AKAP6: variants seen among roughly 807,000 people sequenced by gnomAD.
The protein encoded by AKAP6 is A-kinase anchor protein 6.
AKAP6 carries 58 observed loss-of-function variants against 188.5 expected under a neutral mutation model. The ratio of observed to expected loss-of-function variants is 0.31; its 90% CI spans 0.25 to 0.38. The LOEUF is 0.38. Ranked by LOEUF, AKAP6 falls within the 10% of genes least tolerant of loss-of-function variation. The pLI, the probability that AKAP6 is intolerant of heterozygous loss-of-function variation, is 1.00. For synonymous variants in AKAP6, 989 were observed against 998.6 expected, an observed-to-expected ratio of 0.99 and a Z score of 0.18; for missense variants, 2,710 against 2,740.0, an observed-to-expected ratio of 0.99 and a Z score of 0.24.
intron 3 of AKAP6, among the ~76,000 whole-genome samples, chr14:32,541,679 GA>G (rs1882961793): frequency 6.6e-6 from 1 of 152,118 alleles, no homozygotes; most frequent in Non-Finnish European, 1.5e-5. Flanking sequence ...GGTTTTATGA[GA>G]TAGTTTTGGA....
intron 2 of AKAP6, among the ~76,000 whole-genome samples, chr14:32,485,185 G>T (rs1879612842): frequency 7.3e-6 from 1 of 136,084 alleles, no homozygotes. Context: ...ATGTATATGT[G>T]CCACATATTC....
At chr14:32,686,431 A>G (rs1470588843) in intron 8 of AKAP6, among the ~76,000 whole-genome samples, 2 of 152,168 alleles carry the variant, frequency 1.3e-5, no homozygotes, top group African/African-American at 2.4e-5. Flanking sequence ...ATTTTAAAAT[A>G]AAGAAAAGAG....
rs59506546 is a variant in AKAP6 at position 32,780,157 on chromosome 14, C to CATAT, written c.3588+6275_3588+6278dup. 3.0e-4 allele frequency among the ~76,000 whole-genome samples: 36 copies of CATAT among 119,394 alleles called. 1 individual carries two copies. The highest frequency in any genetic ancestry group is 1.1e-3 in the South Asian group (4 of 3,802). 78.3% of individuals were successfully genotyped at this position (119,394 alleles called of 152,430 possible). ...TGGAAAAAGAAATTGAAAAAAAAAA[C>CATAT]ATATATATATATATGCATGCTTATA... On this transcript the variant is annotated intron_variant, in intron 12 of 13. Transcript: ENST00000280979.
chr14:32,381,528 A>G (rs986985504), intron 1 of AKAP6, among the ~76,000 whole-genome samples: 4 of 152,186 alleles, frequency 2.6e-5, no homozygotes, highest in African/African-American at 9.7e-5. Flanking sequence ...CATATAAAGT[A>G]AAAGTATACT....
chr14:32,414,488 G>A (rs1355530941), intron 1 of AKAP6, among the ~76,000 whole-genome samples: 1 of 152,112 alleles, frequency 6.6e-6, no homozygotes, highest in African/African-American at 2.4e-5. Context: ...TTCAGGAAAT[G>A]ATGCTCTGAA....
chr14:32,614,321 G>A (rs1886467798), intron 7 of AKAP6, among the ~76,000 whole-genome samples: 1 of 152,076 alleles, frequency 6.6e-6, no homozygotes, highest in South Asian at 2.1e-4. Flanking sequence ...ATGCTCCATT[G>A]GCTAATACAC....
intron 5 of AKAP6, 145 bp from the exon 6 acceptor site, chr14:32,599,265 C>A (rs896764849): frequency 1.7e-6 from 1 of 600,756 alleles, no homozygotes; most frequent in South Asian, 2.7e-5. Context: ...TCCCAAATAT[C>A]AATAGCTTTT....
At chr14:32,796,886 T>C (rs2033784435) in intron 12 of AKAP6, among the ~76,000 whole-genome samples, 1 of 152,220 alleles carries the variant, frequency 6.6e-6, no homozygotes, top group African/African-American at 2.4e-5. Context: ...AGAAAGTTTT[T>C]GCAATCTATC....
chr14:32,444,643 G>A (rs1890700931), intron 2 of AKAP6, among the ~76,000 whole-genome samples: 2 of 152,198 alleles, frequency 1.3e-5, no homozygotes, highest in African/African-American at 2.4e-5. Flanking sequence ...GTGATCTGCT[G>A]TTCTCTCAAG....
At position 32,433,592 on chromosome 14, in the gene AKAP6, T is replaced by C. The variant is rs555608947; in HGVS notation, c.99T>C (p.Thr33=). ...CCATGGCCATCAACATGACACCCAC[T>C]GTGGAGCAGGGTGAGGGAGAAGAGG... ...ASPMAINMTP[T]VEQGEGEEAM... is the part of the protein sequence containing the mutation. The change falls in exon 2 of 14, where the codon ACT becomes ACC. Residue 33 remains threonine, a synonymous_variant. Transcript: ENST00000280979. The C allele has an allele frequency of 3.7e-6, 6 of 1,614,088 alleles. No homozygotes were observed. In the African/African-American group the frequency reaches 8.0e-5, roughly 22 times the overall value.
At chr14:32,433,187 G>A (rs1890274585) in intron 1 of AKAP6, 1 of 300,604 alleles carries the variant, frequency 3.3e-6, no homozygotes, top group Non-Finnish European at 6.3e-6. Context: ...CTAAAAACCA[G>A]GATTTTGTTA....
At position 32,837,083 on chromosome 14, in the gene AKAP6, A is replaced by C. The variant is rs1055093394; in HGVS notation, c.*7278A>C. 2.6e-5 allele frequency: 4 copies of C among 152,184 alleles called. No homozygotes were observed. The highest frequency in any genetic ancestry group is 9.7e-5 in the African/African-American group (4 of 41,440). 9.4% of individuals were successfully genotyped at this position (152,184 alleles called of 1,614,324 possible). ...TTGTGTCTATACCTTGTAACCTGTC[A>C]TGTTCATCAACGTTTTAGACTGTAC... is the stretch of plus-strand genomic sequence containing the variant. On this transcript the variant is annotated 3_prime_UTR_variant, in exon 14 of 14. Coordinates refer to ENST00000280979, the MANE Select transcript of AKAP6 (RefSeq NM_004274.5).
intron 11 of AKAP6, among the ~76,000 whole-genome samples, chr14:32,762,157 T>C (rs1485030622): frequency 6.6e-6 from 1 of 152,150 alleles, no homozygotes; most frequent in African/African-American, 2.4e-5. Context: ...GTTACCTTCC[T>C]ATAATTGCAA....
intron 9 of AKAP6, among the ~76,000 whole-genome samples, chr14:32,723,587 G>C (rs2030681982): frequency 6.6e-6 from 1 of 151,540 alleles, no homozygotes; most frequent in African/African-American, 2.4e-5. Flanking sequence ...GTGTGTGTGT[G>C]TGTGTATAGG....
At chr14:32,667,838 T>C (rs1889015696) in intron 7 of AKAP6, among the ~76,000 whole-genome samples, 1 of 152,140 alleles carries the variant, frequency 6.6e-6, no homozygotes, top group African/African-American at 2.4e-5. Flanking sequence ...TTTCTCTCTA[T>C]CACCATTTAA....
chr14:32,498,342 A>AT (rs3837674), intron 2 of AKAP6, among the ~76,000 whole-genome samples: 95,734 of 151,802 alleles, frequency 0.63, 31,122 homozygotes, highest in East Asian at 0.91. Flanking sequence ...TGCAGGAGCC[A>AT]TTTTTTTCCA....
chr14:32,494,117 T>C (rs1001704780), intron 2 of AKAP6, among the ~76,000 whole-genome samples: 4 of 152,214 alleles, frequency 2.6e-5, no homozygotes, highest in African/African-American at 9.6e-5. Context: ...ATTTACCCTT[T>C]TATTTCAACT....
At position 32,773,900 on chromosome 14, in the gene AKAP6, G is replaced by A; in HGVS notation, c.3588+7G>A. ...GAAGATGGGAAAGGAATCTGTGAGT[G>A]ATGCTTTTTTTAAGCATAATTGTCT... On this transcript the variant is annotated splice_region_variant and intron_variant, in intron 12 of 13. Coordinates refer to ENST00000280979, the MANE Select transcript of AKAP6 (RefSeq NM_004274.5). The A allele has an allele frequency of 6.2e-7, 1 of 1,612,680 alleles. No homozygotes were observed. The highest frequency in any genetic ancestry group is 1.3e-5 in the African/African-American group (1 of 75,002).
rs766891309 is a variant in AKAP6, at chr14:32,728,584, A to T, written c.3001-3870A>T. ...AGCTCAGTTAAAAGTAATATGGTGTAAGATGTAAATGCTCAAACCCTGATG... is the reference window on the plus strand; with the variant it reads ...AGCTCAGTTAAAAGTAATATGGTGTTAGATGTAAATGCTCAAACCCTGATG... On this transcript the variant is annotated intron_variant, in intron 9 of 13. Coordinates refer to ENST00000280979, the MANE Select transcript of AKAP6 (RefSeq NM_004274.5). 4.6e-5 allele frequency among the ~76,000 whole-genome samples: 7 copies of T among 152,302 alleles called. No homozygotes were observed. In the South Asian group the frequency reaches 8.3e-4, roughly 18 times the overall value.
Sources: allele counts gnomAD v4.1 joint callset (sites outside exome capture counted in the v4.1 genomes callset), GRCh38; gene constraint gnomAD v4.1.1; transcripts MANE v1.5; gene names NCBI Gene and HGNC (gene_info 2026-07-23, HGNC 2026-07-21).